POFUT3: variants seen among roughly 807,000 people sequenced by gnomAD.
The protein encoded by POFUT3 is GDP-fucose protein O-fucosyltransferase 3.
At chr8:33,348,771 G>A in the POFUT3 span, among the ~76,000 whole-genome samples, 1 of 152,178 alleles carries the variant, frequency 6.6e-6, no homozygotes, top group African/African-American at 2.4e-5. Flanking sequence ...GGAGCATGGA[G>A]TGTTTAGGGA....
the POFUT3 span, among the ~76,000 whole-genome samples, chr8:33,396,681 A>G: frequency 1.5e-4 from 23 of 152,314 alleles, no homozygotes; most frequent in African/African-American, 5.5e-4. Flanking sequence ...ACTTGAAACC[A>G]AAAACACACT....
At chr8:33,357,495 A>AATATATAT in the POFUT3 span, among the ~76,000 whole-genome samples, 2 of 147,908 alleles carry the variant, frequency 1.4e-5, no homozygotes, top group South Asian at 2.1e-4. Context: ...TCCTCTTGCA[A>AATATATAT]ATATATATAT....
chr8:33,405,842 T>C, the POFUT3 span, among the ~76,000 whole-genome samples: 408 of 152,344 alleles, frequency 2.7e-3, 4 homozygotes, highest in African/African-American at 9.2e-3. Flanking sequence ...AATAAAATTT[T>C]GTTAAAAGCA....
the POFUT3 span, among the ~76,000 whole-genome samples, chr8:33,406,592 T>G: frequency 6.6e-6 from 1 of 151,890 alleles, no homozygotes; most frequent in African/African-American, 2.4e-5. Context: ...CTATCACGCC[T>G]GGCTAATTTT....
the POFUT3 span, among the ~76,000 whole-genome samples, chr8:33,386,803 C>T: frequency 6.6e-6 from 1 of 152,128 alleles, no homozygotes; most frequent in Non-Finnish European, 1.5e-5. Context: ...GAGGGAGATT[C>T]CGTCTCAAAA....
the POFUT3 span, among the ~76,000 whole-genome samples, chr8:33,438,660 A>G: frequency 6.6e-6 from 1 of 152,164 alleles, no homozygotes; most frequent in Non-Finnish European, 1.5e-5. Flanking sequence ...TATAAAGAAA[A>G]AGAGGTTTAA....
chr8:33,339,851 T>A, the POFUT3 span, among the ~76,000 whole-genome samples: 3 of 152,084 alleles, frequency 2.0e-5, no homozygotes, highest in African/African-American at 7.2e-5. Flanking sequence ...GAAGGAGAAA[T>A]CAAGCCATGT....
chr8:33,472,013 G>A, the POFUT3 span, among the ~76,000 whole-genome samples: 1 of 152,180 alleles, frequency 6.6e-6, no homozygotes, highest in Non-Finnish European at 1.5e-5. Flanking sequence ...ATGCGAGAAA[G>A]GCCTCCATTT....
At chr8:33,466,583 T>C in the POFUT3 span, among the ~76,000 whole-genome samples, 5 of 152,044 alleles carry the variant, frequency 3.3e-5, no homozygotes, top group Non-Finnish European at 7.4e-5. Context: ...ACTTAGAGCA[T>C]ACAACCATTA....
the POFUT3 span, among the ~76,000 whole-genome samples, chr8:33,449,278 A>ATTTTT: frequency 1.9e-5 from 1 of 53,760 alleles, no homozygotes; most frequent in Non-Finnish European, 3.1e-5. Flanking sequence ...ATCCGAGTTG[A>ATTTTT]TTTTTTTTTT....
the POFUT3 span, among the ~76,000 whole-genome samples, chr8:33,423,605 A>AT: frequency 6.6e-6 from 1 of 152,246 alleles, no homozygotes; most frequent in African/African-American, 2.4e-5. Context: ...CAGGCATGCC[A>AT]TATAGAACTT....
At chr8:33,338,710 A>C in the POFUT3 span, among the ~76,000 whole-genome samples, 1 of 152,194 alleles carries the variant, frequency 6.6e-6, no homozygotes, top group South Asian at 2.1e-4. Flanking sequence ...TCAGTAGTGA[A>C]GAGTTCCCTC....
At chr8:33,409,901 C>T in the POFUT3 span, among the ~76,000 whole-genome samples, 437 of 151,768 alleles carry the variant, frequency 2.9e-3, 2 homozygotes, top group African/African-American at 0.01. Context: ...CAAGACTCTG[C>T]CTCAAAAAAT....
chr8:33,468,672 C>G, the POFUT3 span, among the ~76,000 whole-genome samples: 1 of 152,202 alleles, frequency 6.6e-6, no homozygotes. Flanking sequence ...CTCAATACTC[C>G]TCATTCATTT....
the POFUT3 span, chr8:33,370,794 T>G: frequency 1.3e-5 from 2 of 152,208 alleles, no homozygotes; most frequent in East Asian, 3.9e-4. Flanking sequence ...GGCTTTCTTT[T>G]GAGGGTTCAA....
At chr8:33,369,699 C>A in the POFUT3 span, among the ~76,000 whole-genome samples, 1 of 152,092 alleles carries the variant, frequency 6.6e-6, no homozygotes, top group Non-Finnish European at 1.5e-5. Context: ...AGATATTGAG[C>A]AGGTTCTTCT....
chr8:33,463,046 G>T, the POFUT3 span, among the ~76,000 whole-genome samples: 1 of 152,182 alleles, frequency 6.6e-6, no homozygotes, highest in South Asian at 2.1e-4. Context: ...GTGGAGGAAG[G>T]GTCAACTTTC....
At chr8:33,454,674 CT>C in the POFUT3 span, among the ~76,000 whole-genome samples, 1,158 of 141,036 alleles carry the variant, frequency 8.2e-3, 7 homozygotes, top group South Asian at 0.03. Context: ...AGTTTTGCCT[CT>C]TTTTTTTTTT....
At chr8:33,331,334 C>CAA in the POFUT3 span, among the ~76,000 whole-genome samples, 4 of 116,828 alleles carry the variant, frequency 3.4e-5, no homozygotes, top group African/African-American at 9.2e-5. Flanking sequence ...AACTCTGTCT[C>CAA]AAAAAAAAAA....
Sources: gnomAD v4.1 joint callset for allele counts (sites outside exome capture counted in the v4.1 genomes callset) on GRCh38, gnomAD v4.1.1 for gene constraint, MANE v1.5 for transcripts, NCBI Gene and HGNC (gene_info 2026-07-23, HGNC 2026-07-21) for gene names.